Variants in TLN2 observed in about 807,000 individuals in gnomAD.
TLN2 encodes talin-2.
In TLN2, 118 loss-of-function variants were observed where a neutral mutation model predicts 294.7. The ratio of observed to expected loss-of-function variants is 0.40; its 90% CI spans 0.34 to 0.47. The LOEUF (loss-of-function observed/expected upper bound fraction) is 0.47, where lower values mean the gene tolerates loss of function less well. Among genes scored for constraint, TLN2 ranks in the 20% least tolerant of loss-of-function variants. TLN2 has a pLI of 0.84. For synonymous variants in TLN2, 1,431 were observed against 1,304.5 expected (o/e 1.10, Z -2.09); for missense variants, 3,083 against 3,282.2 (o/e 0.94, Z 1.48).
At chr15:62,675,997 C>A (rs748774586) in intron 11 of TLN2, among the ~76,000 whole-genome samples, 12 of 152,174 alleles carry the variant, frequency 7.9e-5, no homozygotes, top group Non-Finnish European at 1.6e-4. Flanking sequence ...TTTGCTTTGA[C>A]CCCTTTGGCC....
intron 1 of TLN2, among the ~76,000 whole-genome samples, chr15:62,419,765 C>T (rs1264016203): frequency 6.6e-6 from 1 of 151,974 alleles, no homozygotes; most frequent in African/African-American, 2.4e-5. Context: ...TCCTCCTAAG[C>T]AGCTGGGACT....
At chr15:62,725,704 A>G (rs6494348) in intron 27 of TLN2, among the ~76,000 whole-genome samples, 146,110 of 152,268 alleles carry the variant, frequency 0.96, 70,383 homozygotes, top group East Asian at 1. Context: ...TCGTGATAGT[A>G]ACTTTCATGA....
chr15:62,590,567 T>C (rs1201794735), intron 2 of TLN2, among the ~76,000 whole-genome samples: 3 of 152,202 alleles, frequency 2.0e-5, no homozygotes, highest in Non-Finnish European at 4.4e-5. Flanking sequence ...TAGTCTGTCA[T>C]TGATATCTCC....
intron 45 of TLN2, among the ~76,000 whole-genome samples, chr15:62,791,594 G>A (rs980574285): frequency 9.2e-5 from 14 of 152,126 alleles, no homozygotes; most frequent in African/African-American, 3.1e-4. Flanking sequence ...TTGGAAGATA[G>A]CATCCAGGGG....
intron 11 of TLN2, among the ~76,000 whole-genome samples, chr15:62,679,759 T>G (rs2056629187): frequency 6.6e-6 from 1 of 152,238 alleles, no homozygotes; most frequent in African/African-American, 2.4e-5. Flanking sequence ...ATGCTAACAA[T>G]GGTACAGTAA....
chr15:62,771,701 T>C (rs1310989784), intron 42 of TLN2, among the ~76,000 whole-genome samples: 1 of 152,154 alleles, frequency 6.6e-6, no homozygotes, highest in African/African-American at 2.4e-5. Context: ...AAGGCATAGG[T>C]AGATTTATTA....
chr15:62,659,896 A>G (rs755591289), intron 9 of TLN2, among the ~76,000 whole-genome samples: 3 of 152,190 alleles, frequency 2.0e-5, no homozygotes, highest in African/African-American at 4.8e-5. Context: ...CTTCTTAATT[A>G]AAACAAAACA....
At chr15:62,804,202 A>T (rs2066121125) in intron 50 of TLN2, among the ~76,000 whole-genome samples, 1 of 152,212 alleles carries the variant, frequency 6.6e-6, no homozygotes, top group Admixed American at 6.5e-5. Context: ...TCTGACATGC[A>T]TAGGCAGGCC....
Position 62,761,963 on chromosome 15 carries a change from C to T in TLN2, c.4779+142C>T, listed in dbSNP as rs1346713029. On this transcript the variant is annotated intron_variant, in intron 38 of 58. Coordinates refer to ENST00000636159, the MANE Select transcript of TLN2 (RefSeq NM_015059.3). Reference sequence around the variant, plus strand: ...ACTCTTGTCAATGATGGCATGTGCACAGTTAGTGAAACACAATGACTACAC... The same window carrying T: ...ACTCTTGTCAATGATGGCATGTGCATAGTTAGTGAAACACAATGACTACAC... 6.9e-6 allele frequency: 8 copies of T among 1,154,664 alleles called. No homozygotes were observed. In the East Asian group the frequency reaches 7.1e-5, roughly 10 times the overall value. The allele number at this position is 1,154,664 out of a possible 1,614,324, so 71.5% of individuals were successfully genotyped here. A position where few individuals can be genotyped will look rare whatever the true frequency, so the allele number is the denominator to read the frequency against.
intron 1 of TLN2, among the ~76,000 whole-genome samples, chr15:62,440,074 A>C (rs2035476121): frequency 6.6e-6 from 1 of 151,980 alleles, no homozygotes; most frequent in South Asian, 2.1e-4. Flanking sequence ...GTATTTACTC[A>C]TTTTACAGAT....
Position 62,722,478 on chromosome 15 carries a change from C to T in TLN2, c.3117C>T (p.Ala1039=). The T allele has an allele frequency of 6.2e-7, 1 of 1,610,814 alleles. No homozygotes were observed. Among genetic ancestry groups the T allele is most frequent in the Non-Finnish European group, 8.5e-7 (1 of 1,178,742 alleles). Reference sequence around the variant, plus strand: ...CCAGCTTGGCGGAGCTGCGTACCGCCTCGCAGAAGGCAAGTGGAGCGTGTC... The same window carrying T: ...CCAGCTTGGCGGAGCTGCGTACCGCTTCGCAGAAGGCAAGTGGAGCGTGTC... The part of the protein sequence containing the change: ...LATSLAELRT[A]SQKAHEACGP... Residue 1039 remains alanine (A), a synonymous_variant, in exon 26 of 59, where the codon GCC becomes GCT. Transcript: ENST00000636159.
intron 1 of TLN2, among the ~76,000 whole-genome samples, chr15:62,578,008 A>G (rs1596214384): frequency 6.6e-6 from 1 of 152,286 alleles, no homozygotes; most frequent in South Asian, 2.1e-4. Context: ...CCATGTCCCT[A>G]TAAAGGACAT....
chr15:62,556,650 C>T (rs1423650477), intron 1 of TLN2, among the ~76,000 whole-genome samples: 1 of 152,182 alleles, frequency 6.6e-6, no homozygotes, highest in Non-Finnish European at 1.5e-5. Flanking sequence ...TTGTAATCCA[C>T]TAGACTCTAG....
At chr15:62,476,112 C>CTGCT (rs893484054) in intron 1 of TLN2, among the ~76,000 whole-genome samples, 10 of 152,144 alleles carry the variant, frequency 6.6e-5, no homozygotes, top group African/African-American at 1.9e-4. Context: ...TTCTCTGGAG[C>CTGCT]TGCTGCTTGT....
At chr15:62,541,855 A>G (rs2041710545) in intron 1 of TLN2, among the ~76,000 whole-genome samples, 1 of 151,846 alleles carries the variant, frequency 6.6e-6, no homozygotes, top group African/African-American at 2.4e-5. Context: ...TTCATTTTGG[A>G]TGGGCCCTCG....
At chr15:62,603,876 T>C (rs2047199052) in intron 2 of TLN2, among the ~76,000 whole-genome samples, 1 of 152,242 alleles carries the variant, frequency 6.6e-6, no homozygotes, top group African/African-American at 2.4e-5. Flanking sequence ...GATTTTGCAA[T>C]GTAGGCCAGA....
At position 62,792,662 on chromosome 15, in the gene TLN2, C is replaced by T. The variant is rs745389212; in HGVS notation, c.5758C>T (p.Arg1920Cys). ...GCAGATCGGATTCCAGATTCGCACT[C>T]GTGTGCAGGACCTGGGCCACGGCTG... ...PEEIGFQIRT[R>C]VQDLGHGCIF... The change falls in exon 46 of 59, where the codon CGT becomes TGT. Residue 1920 changes from arginine to cysteine, a missense_variant. Transcript: ENST00000636159. The T allele has an allele frequency of 1.2e-5, 20 of 1,613,580 alleles. No individual in the cohort carries two copies. Among genetic ancestry groups the T allele is most frequent in the Admixed American group, 1.0e-4 (6 of 60,002 alleles).
chr15:62,751,977 A>G (rs1279184995), intron 34 of TLN2, among the ~76,000 whole-genome samples: 1 of 152,208 alleles, frequency 6.6e-6, no homozygotes, highest in Non-Finnish European at 1.5e-5. Context: ...CTCGATGCAT[A>G]TGATTTTTAT....
chr15:62,504,100 A>G (rs953337757), intron 1 of TLN2, among the ~76,000 whole-genome samples: 1 of 152,242 alleles, frequency 6.6e-6, no homozygotes, highest in African/African-American at 2.4e-5. Flanking sequence ...GCTGTTTTCC[A>G]GCAACTCCTC....
Sources: allele counts gnomAD v4.1 joint callset (sites outside exome capture counted in the v4.1 genomes callset), GRCh38; gene constraint gnomAD v4.1.1; transcripts MANE v1.5; gene names NCBI Gene and HGNC (gene_info 2026-07-23, HGNC 2026-07-21).